LARGE1: variants seen among roughly 807,000 people sequenced by gnomAD.
LARGE1 encodes xylosyl- and glucuronyltransferase LARGE1.
LARGE1 carries 43 observed loss-of-function variants against 87.6 expected under a neutral mutation model. The observed-to-expected ratio is 0.49, with a 90% CI of 0.38 to 0.63. The LOEUF is 0.63. LARGE1 is among the 30% of genes least tolerant of loss of function. The probability of loss-of-function intolerance (pLI) is 0.00; values close to 1 mark genes in which losing one functional copy is unlikely to be tolerated. For missense variants in LARGE1, 802 were observed against 1,000.2 expected, an observed-to-expected ratio of 0.80 and a Z score of 2.67; for synonymous variants, 434 against 394.6, an observed-to-expected ratio of 1.10 and a Z score of -1.18.
chr22:33,249,206 C>G (rs1311402616), intron 11 of LARGE1, among the ~76,000 whole-genome samples: 1 of 152,200 alleles, frequency 6.6e-6, no homozygotes, highest in Non-Finnish European at 1.5e-5. Context: ...TGCACCTCAT[C>G]CTTGCCAATG....
intron 9 of LARGE1, among the ~76,000 whole-genome samples, chr22:33,371,615 G>A (rs539504191): frequency 2.6e-5 from 4 of 152,216 alleles, no homozygotes; most frequent in South Asian, 2.1e-4. Flanking sequence ...ATGATGATTC[G>A]CTTTGTGTAA....
At chr22:33,089,371 C>CTTCTTCTT in the LARGE1 span, among the ~76,000 whole-genome samples, 164 of 76,092 alleles carry the variant, frequency 2.2e-3, 8 homozygotes, top group Admixed American at 7.2e-3. Flanking sequence ...TTCTTCTTCT[C>CTTCTTCTT]CTTCTTCTTC....
intron 11 of LARGE1, among the ~76,000 whole-genome samples, chr22:33,204,304 A>G (rs1051496708): frequency 2.6e-5 from 4 of 152,216 alleles, no homozygotes; most frequent in Non-Finnish European, 5.9e-5. Context: ...TAGAATTAAT[A>G]TAATAATGGT....
chr22:33,533,011 T>C (rs1215137633), intron 6 of LARGE1, among the ~76,000 whole-genome samples: 1 of 152,058 alleles, frequency 6.6e-6, no homozygotes, highest in African/African-American at 2.4e-5. Context: ...GTGGAAGGAA[T>C]GAGAAAAGTA....
In LARGE1 at chr22:33,446,765, C is replaced by T. The variant is rs538516266; in HGVS notation, c.788-14500G>A. ...AGGGGGAACCACTGAAGGGAACAGGCGGGCAGGACCATCCTGCTGTATGAC... is the reference window on the plus strand; with the variant it reads ...AGGGGGAACCACTGAAGGGAACAGGTGGGCAGGACCATCCTGCTGTATGAC... On this transcript the variant is annotated intron_variant, in intron 6 of 14. Coordinates refer to ENST00000397394, the MANE Select transcript of LARGE1 (RefSeq NM_133642.5). 4.6e-5 allele frequency among the ~76,000 whole-genome samples: 7 copies of T among 152,142 alleles called. 1 individual carries two copies. The South Asian group carries it at 1.0e-3, about 23-fold the overall frequency.
intron 10 of LARGE1, among the ~76,000 whole-genome samples, chr22:33,332,197 G>C (rs1937806947): frequency 6.6e-6 from 1 of 152,168 alleles, no homozygotes; most frequent in Non-Finnish European, 1.5e-5. Context: ...CATGTTGTGG[G>C]AGGGACACAG....
rs570757297 is a variant in LARGE1 at position 33,901,510 on chromosome 22, A to G, written c.-83+18485T>C. ...ACACTGTGAAATGTCTTCCATAAAGACAATCCCCTAATTAGTTGGGTGAGG... is the reference window on the plus strand; with the variant it reads ...ACACTGTGAAATGTCTTCCATAAAGGCAATCCCCTAATTAGTTGGGTGAGG... On this transcript the variant is annotated intron_variant, in intron 1 of 14. Coordinates refer to ENST00000397394, the MANE Select transcript of LARGE1 (RefSeq NM_133642.5). 9.2e-5 allele frequency among the ~76,000 whole-genome samples: 14 copies of G among 152,244 alleles called. No individual in the cohort carries two copies. In the East Asian group the frequency reaches 2.5e-3, roughly 27 times the overall value.
the LARGE1 span, among the ~76,000 whole-genome samples, chr22:33,087,526 T>C: frequency 2.3e-3 from 351 of 152,340 alleles, 4 homozygotes; most frequent in African/African-American, 8.2e-3. Context: ...AGCACTGCTA[T>C]ATGAGGCCAT....
chr22:33,297,085 A>T (rs1933387842), intron 12 of LARGE1, among the ~76,000 whole-genome samples: 1 of 152,194 alleles, frequency 6.6e-6, no homozygotes, highest in Non-Finnish European at 1.5e-5. Context: ...GTTACCTGGT[A>T]ATGTCTCTGG....
intron 2 of LARGE1, among the ~76,000 whole-genome samples, chr22:33,743,718 G>A (rs1332381117): frequency 6.6e-6 from 1 of 152,210 alleles, no homozygotes; most frequent in Non-Finnish European, 1.5e-5. Context: ...AGTCAGGGCA[G>A]ATATCACCAC....
chr22:33,829,985 T>C (rs1230200759), intron 1 of LARGE1, among the ~76,000 whole-genome samples: 5 of 151,990 alleles, frequency 3.3e-5, no homozygotes, highest in African/African-American at 1.2e-4. Context: ...AAGGAAAGGA[T>C]GAGATGGAAG....
chr22:33,778,418 T>C (rs2085315559), intron 1 of LARGE1, among the ~76,000 whole-genome samples: 1 of 152,142 alleles, frequency 6.6e-6, no homozygotes, highest in Non-Finnish European at 1.5e-5. Flanking sequence ...GAGCAACCAC[T>C]CCTTTATCTA....
chr22:33,614,220 G>A (rs148374695), intron 4 of LARGE1, among the ~76,000 whole-genome samples: 2 of 152,258 alleles, frequency 1.3e-5, no homozygotes, highest in East Asian at 1.9e-4. Context: ...TTGTCAGATC[G>A]ATTGAGCTAA....
the LARGE1 span, among the ~76,000 whole-genome samples, chr22:33,108,161 A>G: frequency 1.6e-3 from 249 of 152,320 alleles, 7 homozygotes; most frequent in East Asian, 0.041. Flanking sequence ...TAAGGCACCT[A>G]GGATGCTTCC....
chr22:33,727,757 C>G (rs2083314709), intron 2 of LARGE1: 1 of 152,242 alleles, frequency 6.6e-6, no homozygotes, highest in Non-Finnish European at 1.5e-5. Context: ...GCTGATAAGG[C>G]TGGGACCTGA....
intron 2 of LARGE1, among the ~76,000 whole-genome samples, chr22:33,663,564 C>A (rs923868514): frequency 6.6e-6 from 1 of 152,010 alleles, no homozygotes; most frequent in Non-Finnish European, 1.5e-5. Context: ...AATTTCTGAC[C>A]CCAAAAAGAA....
chr22:33,730,639 A>C (rs952756741), intron 2 of LARGE1, among the ~76,000 whole-genome samples: 1 of 152,178 alleles, frequency 6.6e-6, no homozygotes, highest in African/African-American at 2.4e-5. Context: ...AGTAGGGATG[A>C]ATGATGAGAA....
intron 1 of LARGE1, among the ~76,000 whole-genome samples, chr22:33,778,874 C>T (rs578164680): frequency 6.6e-6 from 1 of 152,282 alleles, no homozygotes; most frequent in South Asian, 2.1e-4. Context: ...TGGTCTCGAA[C>T]TCTCGACCTC....
chr22:33,333,446 G>A (rs1938008864), intron 10 of LARGE1, among the ~76,000 whole-genome samples: 1 of 152,088 alleles, frequency 6.6e-6, no homozygotes, highest in East Asian at 1.9e-4. Context: ...CTGCCCTGAG[G>A]AGAAACTCCA....
Sources: allele counts gnomAD v4.1 joint callset (sites outside exome capture counted in the v4.1 genomes callset), GRCh38; gene constraint gnomAD v4.1.1; transcripts MANE v1.5; gene names NCBI Gene and HGNC (gene_info 2026-07-23, HGNC 2026-07-21).